The following NOS1AP variants were observed in gnomAD, a reference collection of about 807,000 sequenced individuals.
The protein encoded by NOS1AP is carboxyl-terminal PDZ ligand of neuronal nitric oxide synthase protein.
NOS1AP carries 21 observed loss-of-function variants against 56.2 expected under a neutral mutation model. That is an observed-to-expected ratio of 0.37 (90% CI 0.26 to 0.54). NOS1AP has a LOEUF of 0.54. Among genes scored for constraint, NOS1AP ranks in the 20% least tolerant of loss-of-function variants. The pLI is 0.84. For missense variants in NOS1AP, 522 were observed against 657.8 expected, an observed-to-expected ratio of 0.79 and a Z score of 2.26; for synonymous variants, 270 against 274.6, an observed-to-expected ratio of 0.98 and a Z score of 0.17.
At chr1:162,107,462 T>C (rs1163049321) in intron 1 of NOS1AP, among the ~76,000 whole-genome samples, 1 of 152,196 alleles carries the variant, frequency 6.6e-6, no homozygotes, top group Non-Finnish European at 1.5e-5. Context: ...GCCTTCTTAG[T>C]AGCTAGGACT....
intron 2 of NOS1AP, among the ~76,000 whole-genome samples, chr1:162,161,850 T>C (rs1650239231): frequency 6.6e-6 from 1 of 152,190 alleles, no homozygotes; most frequent in African/African-American, 2.4e-5. Context: ...CAGAAAACCA[T>C]ATATGTTGGC....
At chr1:162,363,534 T>C (rs115298183) in intron 8 of NOS1AP, 2,968 of 152,836 alleles carry the variant, frequency 0.019, 55 homozygotes, top group Non-Finnish European at 0.028. Context: ...TTAGTTTAAC[T>C]TTTAGCCCCT....
chr1:162,281,270 T>C (rs1456165511), intron 2 of NOS1AP, among the ~76,000 whole-genome samples: 1 of 152,236 alleles, frequency 6.6e-6, no homozygotes, highest in African/African-American at 2.4e-5. Flanking sequence ...ATTTGGTAAT[T>C]AACTTCTGGA....
rs571977324 is a variant in NOS1AP, at chr1:162,174,308, G to A, written c.177+19832G>A. On this transcript the variant is annotated intron_variant, in intron 2 of 9. Transcript: ENST00000361897. Reference sequence around the variant, plus strand: ...ATCATTCTCAGCAAACTATCGCAACGACAAAAAACCAAACACCACATGTTC... The same window carrying A: ...ATCATTCTCAGCAAACTATCGCAACAACAAAAAACCAAACACCACATGTTC... Among the ~76,000 whole-genome samples the A allele has an allele frequency of 7.4e-5, 11 of 148,724 alleles. No homozygotes were observed. The South Asian group carries it at 8.5e-4, about 11-fold the overall frequency.
At chr1:162,173,625 A>G (rs1045964727) in intron 2 of NOS1AP, among the ~76,000 whole-genome samples, 2 of 152,226 alleles carry the variant, frequency 1.3e-5, no homozygotes. Context: ...ATCAGAGTGA[A>G]CAGGCAACCT....
intron 4 of NOS1AP, among the ~76,000 whole-genome samples, chr1:162,321,424 A>G (rs1456019463): frequency 6.6e-6 from 1 of 152,198 alleles, no homozygotes; most frequent in Non-Finnish European, 1.5e-5. Flanking sequence ...TTGTAGGGAC[A>G]TGGATGGAGC....
intron 2 of NOS1AP, among the ~76,000 whole-genome samples, chr1:162,228,651 T>C (rs1207540633): frequency 6.6e-6 from 1 of 152,226 alleles, no homozygotes; most frequent in East Asian, 1.9e-4. Flanking sequence ...CCAGCAAGGC[T>C]GACACTTACC....
At chr1:162,357,755 T>TG (rs1310545345) in intron 8 of NOS1AP, among the ~76,000 whole-genome samples, 1 of 151,928 alleles carries the variant, frequency 6.6e-6, no homozygotes, top group African/African-American at 2.4e-5. Context: ...AGAATCAAGG[T>TG]GGTGTTTGTA....
intron 1 of NOS1AP, among the ~76,000 whole-genome samples, chr1:162,093,192 A>C (rs188590010): frequency 9.2e-5 from 14 of 152,280 alleles, no homozygotes; most frequent in Admixed American, 5.9e-4. Flanking sequence ...TATCTCCCCT[A>C]TCTGAGCAGG....
chr1:162,158,586 A>G (rs184600741), intron 2 of NOS1AP, among the ~76,000 whole-genome samples: 82 of 152,324 alleles, frequency 5.4e-4, no homozygotes, highest in Non-Finnish European at 6.0e-4. Flanking sequence ...CATAATGACT[A>G]TCATTTTGCA....
At chr1:162,204,361 T>G (rs1160061145) in intron 2 of NOS1AP, among the ~76,000 whole-genome samples, 2 of 152,238 alleles carry the variant, frequency 1.3e-5, no homozygotes, top group Non-Finnish European at 2.9e-5. Context: ...ATGTCACTTC[T>G]TCCTATTTTT....
In NOS1AP at chr1:162,326,796, T is replaced by G. The variant is rs187431218; in HGVS notation, c.345-6221T>G. ...CCTCTTACTCAACCTGTTTGTTCTA[T>G]TCAGGTGTTCAGTTGGATTATTGGA... On this transcript the variant is annotated intron_variant, in intron 4 of 9. Coordinates refer to ENST00000361897, the MANE Select transcript of NOS1AP (RefSeq NM_014697.3). 4.3e-4 allele frequency among the ~76,000 whole-genome samples: 66 copies of G among 152,296 alleles called. No homozygotes were observed. The South Asian group carries it at 8.9e-3, about 21-fold the overall frequency.
chr1:162,270,973 G>T (rs1654565737), intron 2 of NOS1AP, among the ~76,000 whole-genome samples: 2 of 152,096 alleles, frequency 1.3e-5, no homozygotes, highest in Admixed American at 6.5e-5. Flanking sequence ...CTGTATGTAC[G>T]TTTCAAGAGC....
intron 1 of NOS1AP, among the ~76,000 whole-genome samples, chr1:162,125,840 C>T (rs373240006): frequency 5.3e-5 from 8 of 152,058 alleles, no homozygotes; most frequent in African/African-American, 1.9e-4. Context: ...GGAATTACAT[C>T]GAATCTGTAG....
intron 9 of NOS1AP, among the ~76,000 whole-genome samples, chr1:162,366,028 A>T (rs1290114533): frequency 1.3e-5 from 2 of 152,192 alleles, no homozygotes; most frequent in African/African-American, 4.8e-5. Context: ...TCACACAGAA[A>T]AAGCTGGGAG....
rs1657530265 is a variant in NOS1AP at position 162,352,207 on chromosome 1, GTA to G, written c.596-2979_596-2978del. On this transcript the variant is annotated intron_variant, in intron 6 of 9. Coordinates refer to ENST00000361897, the MANE Select transcript of NOS1AP (RefSeq NM_014697.3). ...CCCAAGCAGCTGGGATTACAGGCATGTACCACCATGCCCAGCTAATTTTTGTA... is the reference window on the plus strand; with the variant it reads ...CCCAAGCAGCTGGGATTACAGGCATGCCACCATGCCCAGCTAATTTTTGTA... 2.0e-5 allele frequency among the ~76,000 whole-genome samples: 3 copies of G among 152,170 alleles called. No individual in the cohort carries two copies. In the South Asian group the frequency reaches 6.2e-4, roughly 32 times the overall value.
At chr1:162,225,435 CT>C (rs1370719159) in intron 2 of NOS1AP, among the ~76,000 whole-genome samples, 1 of 152,210 alleles carries the variant, frequency 6.6e-6, no homozygotes, top group African/African-American at 2.4e-5. Context: ...CCTCAGTTTC[CT>C]GCCTGTAAGA....
chr1:162,222,252 C>T (rs931652989), intron 2 of NOS1AP, among the ~76,000 whole-genome samples: 8 of 152,160 alleles, frequency 5.3e-5, no homozygotes, highest in African/African-American at 1.2e-4. Context: ...ACTTAAGCCA[C>T]GTTATTGAGC....
Position 162,166,658 on chromosome 1 carries a change from G to A in NOS1AP, c.177+12182G>A, listed in dbSNP as rs558317517. On this transcript the variant is annotated intron_variant, in intron 2 of 9. Transcript: ENST00000361897. The stretch of plus-strand genomic sequence containing the variant: ...AGTGTATTTGTCTTTTTGAAGGCAG[G>A]GACTCTGACACTCATCTTGACAGCA... Among the ~76,000 whole-genome samples, 41 of 152,212 alleles carry A rather than the reference G, an allele frequency of 2.7e-4. No individual in the cohort carries two copies. In the East Asian group the frequency reaches 6.4e-3, roughly 24 times the overall value.
Sources: allele counts gnomAD v4.1 joint callset (sites outside exome capture counted in the v4.1 genomes callset), GRCh38; gene constraint gnomAD v4.1.1; transcripts MANE v1.5; gene names NCBI Gene and HGNC (gene_info 2026-07-23, HGNC 2026-07-21).